Variants in DPP6 observed in about 807,000 individuals in gnomAD.
DPP6 encodes the protein A-type potassium channel modulatory protein DPP6.
In DPP6, 69 loss-of-function variants were observed where a neutral mutation model predicts 122.6. The ratio of observed to expected loss-of-function variants is 0.56; its 90% CI spans 0.46 to 0.69. The LOEUF (loss-of-function observed/expected upper bound fraction) is 0.69, where lower values mean the gene tolerates loss of function less well. Ranked by LOEUF, DPP6 falls within the 30% of genes least tolerant of loss-of-function variation. The pLI is 0.00. For synonymous variants in DPP6, 418 were observed against 433.1 expected, an observed-to-expected ratio of 0.97 and a Z score of 0.43; for missense variants, 928 against 1,116.9, an observed-to-expected ratio of 0.83 and a Z score of 2.41.
At chr7:154,029,814 C>A (rs1239930443) in intron 1 of DPP6, among the ~76,000 whole-genome samples, 1 of 151,318 alleles carries the variant, frequency 6.6e-6, no homozygotes, top group Non-Finnish European at 1.5e-5. Context: ...CCACTACACT[C>A]CAACCTGGGT....
In DPP6 at chr7:154,474,959, CAAAAG is replaced by C; in HGVS notation, c.382_386del (p.Lys128GlufsTer10). On this transcript the variant is annotated frameshift_variant, in exon 3 of 26. Coordinates refer to ENST00000377770, the MANE Select transcript of DPP6 (RefSeq NM_130797.4). LOFTEE classifies it high-confidence loss of function. ...TCTAGCGGAAGATAATAGTCTGTCT[CAAAAG>C]AAGAAGGTCACTGTAGAAGATCTCT... 1 of 1,613,342 alleles carries C rather than the reference CAAAAG, an allele frequency of 6.2e-7. No individual in the cohort carries two copies. Among genetic ancestry groups the C allele is most frequent in the Non-Finnish European group, 8.5e-7 (1 of 1,179,494 alleles).
At chr7:153,928,169 G>A (rs976536581) in intron 1 of DPP6, among the ~76,000 whole-genome samples, 2 of 151,460 alleles carry the variant, frequency 1.3e-5, no homozygotes, top group Non-Finnish European at 2.9e-5. Flanking sequence ...AGATCAAGGT[G>A]CCAATAGATT....
At chr7:154,105,782 C>G (rs192622105) in intron 1 of DPP6, among the ~76,000 whole-genome samples, 1 of 152,038 alleles carries the variant, frequency 6.6e-6, no homozygotes, top group Non-Finnish European at 1.5e-5. Flanking sequence ...TGCCTTCTGC[C>G]GTGATTGTGA....
intron 1 of DPP6, chr7:154,305,293 C>A: frequency 7.6e-7 from 1 of 1,324,358 alleles, no homozygotes; most frequent in Non-Finnish European, 9.6e-7. Flanking sequence ...GCTTCGGATC[C>A]TCTCTCTGCT....
chr7:154,298,718 A>G (rs749519256), intron 1 of DPP6, among the ~76,000 whole-genome samples: 11 of 152,170 alleles, frequency 7.2e-5, no homozygotes, highest in Non-Finnish European at 1.0e-4. Context: ...CTCACCGTCC[A>G]TACCCTGCTG....
intron 1 of DPP6, among the ~76,000 whole-genome samples, chr7:154,433,152 T>G (rs1441596168): frequency 7.5e-5 from 10 of 133,526 alleles, no homozygotes; most frequent in Admixed American, 2.2e-4. Context: ...TTTTTTTTTT[T>G]TTTTTTTTTT....
At chr7:154,437,177 C>G (rs1818945709) in intron 1 of DPP6, among the ~76,000 whole-genome samples, 2 of 152,236 alleles carry the variant, frequency 1.3e-5, no homozygotes, top group African/African-American at 4.8e-5. Flanking sequence ...TCAATTGCCT[C>G]TCTGCAGCCA....
intron 1 of DPP6, among the ~76,000 whole-genome samples, chr7:154,044,423 G>A (rs933852867): frequency 1.3e-5 from 2 of 152,264 alleles, no homozygotes; most frequent in African/African-American, 2.4e-5. Flanking sequence ...CCACATGTAT[G>A]CATGAATCAG....
intron 5 of DPP6, among the ~76,000 whole-genome samples, chr7:154,621,137 A>G (rs1834620526): frequency 6.6e-6 from 1 of 152,160 alleles, no homozygotes; most frequent in African/African-American, 2.4e-5. Context: ...TTTAAAAATT[A>G]TTTCCTCTCT....
chr7:154,682,476 G>C (rs1839342138), intron 7 of DPP6, among the ~76,000 whole-genome samples: 1 of 152,224 alleles, frequency 6.6e-6, no homozygotes, highest in African/African-American at 2.4e-5. Flanking sequence ...GCACTCTCCG[G>C]TTTGAAATTG....
chr7:154,553,024 C>G (rs777328828), intron 4 of DPP6, among the ~76,000 whole-genome samples: 2 of 152,184 alleles, frequency 1.3e-5, no homozygotes, highest in African/African-American at 2.4e-5. Context: ...AGACCTTCCC[C>G]CAGGTGGGTT....
chr7:153,805,811 T>TACATCATGTC, the DPP6 span, among the ~76,000 whole-genome samples: 9 of 151,836 alleles, frequency 5.9e-5, no homozygotes, highest in African/African-American at 1.9e-4. Flanking sequence ...ATGAGAACAC[T>TACATCATGTC]TGGACACAGG....
chr7:154,658,920 G>T (rs1162655259), intron 6 of DPP6, among the ~76,000 whole-genome samples: 1 of 152,164 alleles, frequency 6.6e-6, no homozygotes, highest in Admixed American at 6.5e-5. Flanking sequence ...GGTAGATTCG[G>T]CATAAAACCA....
rs534415235 is a variant in DPP6, at chr7:154,875,237, C to T, written c.1884-669C>T. Among the ~76,000 whole-genome samples, 3 of 152,198 alleles carry T rather than the reference C, an allele frequency of 2.0e-5. No homozygotes were observed. The highest frequency in any genetic ancestry group is 2.9e-5 in the Non-Finnish European group (2 of 68,042). On this transcript the variant is annotated intron_variant, in intron 19 of 25. Transcript: ENST00000377770. This position sits in a 1 kb window ranked among gnomAD's most constrained non-coding sequence, Gnocchi z 4.5. ...GCCCTGTTTGTGGCACTGGTCGAAT[C>T]CCATGGTCCAAATGCCCCACCATGG...
At chr7:154,526,503 A>G (rs1056052803) in intron 3 of DPP6, among the ~76,000 whole-genome samples, 1 of 152,350 alleles carries the variant, frequency 6.6e-6, no homozygotes, top group Middle Eastern at 3.4e-3. Context: ...ATATGTGGTT[A>G]CTGAGAACTT....
intron 7 of DPP6, 95 bp from the exon 8 acceptor site, chr7:154,727,672 T>C: frequency 6.9e-7 from 1 of 1,454,666 alleles, no homozygotes; most frequent in Non-Finnish European, 9.1e-7. Context: ...AACAGGAAAA[T>C]GAAAACCCGG....
At chr7:153,993,632 A>G (rs1228242936) in intron 1 of DPP6, among the ~76,000 whole-genome samples, 5 of 152,204 alleles carry the variant, frequency 3.3e-5, no homozygotes, top group Non-Finnish European at 7.3e-5. Context: ...ATGCATGTGT[A>G]GATAACAGGT....
intron 1 of DPP6, among the ~76,000 whole-genome samples, chr7:153,947,524 G>C (rs1198356586): frequency 6.6e-6 from 1 of 152,188 alleles, no homozygotes; most frequent in East Asian, 1.9e-4. Context: ...AAATTACACA[G>C]ATTTACTTAA....
intron 3 of DPP6, among the ~76,000 whole-genome samples, chr7:154,476,248 G>T (rs1174020749): frequency 6.6e-6 from 1 of 152,118 alleles, no homozygotes; most frequent in Non-Finnish European, 1.5e-5. Context: ...TAGAAAACTG[G>T]GGAGAAATTA....
Sources: gnomAD v4.1 joint callset for allele counts (sites outside exome capture counted in the v4.1 genomes callset) on GRCh38, gnomAD v4.1.1 for gene constraint, Gnocchi (gnomAD v3.1) non-coding constraint, MANE v1.5 for transcripts, NCBI Gene and HGNC (gene_info 2026-07-23, HGNC 2026-07-21) for gene names.